Variants in MARCHF1 observed in about 807,000 individuals in gnomAD.
MARCHF1 encodes the protein membrane associated ring-CH-type finger 1.
Under a neutral mutation model 54.2 loss-of-function variants are expected in MARCHF1, and 40 were observed. That is an observed-to-expected ratio of 0.74 (90% CI 0.57 to 0.96). The LOEUF is 0.96. Among genes scored for constraint, MARCHF1 ranks in the 40% least tolerant of loss-of-function variants. The pLI, the probability that MARCHF1 is intolerant of heterozygous loss-of-function variation, is 0.00. For missense variants in MARCHF1, 586 were observed against 656.5 expected, an observed-to-expected ratio of 0.89 and a Z score of 1.17; for synonymous variants, 236 against 236.3, an observed-to-expected ratio of 1.00 and a Z score of 0.01.
chr4:163,967,157 G>A (rs563297202), intron 3 of MARCHF1, among the ~76,000 whole-genome samples: 47 of 152,242 alleles, frequency 3.1e-4, no homozygotes, highest in Admixed American at 7.9e-4. Flanking sequence ...AAGGGACCTT[G>A]TATACCACGA....
chr4:164,356,435 C>T (rs1026164245), intron 1 of MARCHF1, among the ~76,000 whole-genome samples: 34 of 130,358 alleles, frequency 2.6e-4, no homozygotes, highest in African/African-American at 9.0e-4. Flanking sequence ...ACTATGCAGC[C>T]ATAAAAAATG....
intron 2 of MARCHF1, among the ~76,000 whole-genome samples, chr4:164,096,966 A>C (rs1343789340): frequency 6.6e-6 from 1 of 152,112 alleles, no homozygotes; most frequent in Admixed American, 6.6e-5. Context: ...AACCCCGGGG[A>C]GTCTACTAAC....
chr4:163,656,995 C>G (rs1292367246), intron 5 of MARCHF1, among the ~76,000 whole-genome samples: 1 of 152,044 alleles, frequency 6.6e-6, no homozygotes, highest in South Asian at 2.1e-4. Context: ...AAAATTGGCA[C>G]AAGACAAGGA....
At chr4:164,061,924 A>C (rs987964527) in intron 2 of MARCHF1, among the ~76,000 whole-genome samples, 1 of 152,208 alleles carries the variant, frequency 6.6e-6, no homozygotes, top group Admixed American at 6.5e-5. Context: ...TCTTAAAATA[A>C]GAACAATGAA....
At chr4:163,892,944 A>C (rs1750693517) in intron 3 of MARCHF1, among the ~76,000 whole-genome samples, 1 of 152,182 alleles carries the variant, frequency 6.6e-6, no homozygotes. Flanking sequence ...GGAAATGCAA[A>C]GAGGACAAAG....
At chr4:163,704,336 G>T (rs1258075640) in intron 4 of MARCHF1, among the ~76,000 whole-genome samples, 1 of 151,472 alleles carries the variant, frequency 6.6e-6, no homozygotes, top group African/African-American at 2.4e-5. Flanking sequence ...TGGAATAGAA[G>T]AAAAGTCTTA....
chr4:164,199,967 A>G (rs1416037175), intron 1 of MARCHF1, among the ~76,000 whole-genome samples: 1 of 152,162 alleles, frequency 6.6e-6, no homozygotes, highest in African/African-American at 2.4e-5. Flanking sequence ...TTTTGTGCCT[A>G]TGTACCTTTG....
chr4:163,626,221 T>C (rs1256873119), intron 5 of MARCHF1, among the ~76,000 whole-genome samples: 1 of 152,244 alleles, frequency 6.6e-6, no homozygotes, highest in East Asian at 1.9e-4. Context: ...TTAGGTTTTC[T>C]GAAAATCCAT....
chr4:164,228,447 T>C (rs1462509632), intron 1 of MARCHF1, among the ~76,000 whole-genome samples: 1 of 152,180 alleles, frequency 6.6e-6, no homozygotes, highest in East Asian at 1.9e-4. Context: ...CTTTGAAAAG[T>C]TCTTTATAGT....
At chr4:163,795,450 G>A (rs992814344) in intron 4 of MARCHF1, among the ~76,000 whole-genome samples, 1 of 152,056 alleles carries the variant, frequency 6.6e-6, no homozygotes, top group Non-Finnish European at 1.5e-5. Flanking sequence ...GGCTGGTCTC[G>A]AACTCCCAGC....
intron 2 of MARCHF1, among the ~76,000 whole-genome samples, chr4:164,025,029 G>A (rs1220670111): frequency 1.3e-5 from 2 of 152,062 alleles, no homozygotes; most frequent in Non-Finnish European, 2.9e-5. Context: ...CAACAAGAAG[G>A]CTTAACTATT....
At chr4:163,579,196 T>G (rs77978589) in intron 8 of MARCHF1, among the ~76,000 whole-genome samples, 2,855 of 152,272 alleles carry the variant, frequency 0.019, 80 homozygotes, top group African/African-American at 0.064. Context: ...CACTTATACT[T>G]TTCATCTCAT....
chr4:163,596,600 G>A (rs1015664683), intron 7 of MARCHF1, among the ~76,000 whole-genome samples: 2 of 140,208 alleles, frequency 1.4e-5, no homozygotes, highest in African/African-American at 2.6e-5. Context: ...GCATTTGTTT[G>A]TCCCCACAAT....
intron 3 of MARCHF1, among the ~76,000 whole-genome samples, chr4:163,923,780 A>ATC (rs1751480459): frequency 1.3e-5 from 2 of 151,612 alleles, no homozygotes; most frequent in African/African-American, 4.8e-5. Flanking sequence ...AAAAAAAAAA[A>ATC]ATAGAAAAAA....
At chr4:164,241,055 C>A (rs1732728952) in intron 1 of MARCHF1, among the ~76,000 whole-genome samples, 1 of 152,028 alleles carries the variant, frequency 6.6e-6, no homozygotes. Flanking sequence ...TAAGATTGGT[C>A]TTTCAGAGAT....
At chr4:164,152,859 T>C (rs1321907852) in intron 1 of MARCHF1, among the ~76,000 whole-genome samples, 1 of 152,126 alleles carries the variant, frequency 6.6e-6, no homozygotes, top group Non-Finnish European at 1.5e-5. Context: ...AATGTTTAAA[T>C]TTACCTATAG....
At chr4:164,144,521 T>G (rs1211806302) in intron 1 of MARCHF1, among the ~76,000 whole-genome samples, 1 of 151,956 alleles carries the variant, frequency 6.6e-6, no homozygotes, top group African/African-American at 2.4e-5. Flanking sequence ...AGAATCTCAC[T>G]CAAAACTGCG....
intron 1 of MARCHF1, among the ~76,000 whole-genome samples, chr4:164,243,887 C>G (rs1315435006): frequency 6.6e-6 from 1 of 151,822 alleles, no homozygotes; most frequent in Admixed American, 6.6e-5. Flanking sequence ...GTAAAGGGAT[C>G]AATTCAACAA....
chr4:164,131,369 T>C (rs1442326042), intron 1 of MARCHF1, among the ~76,000 whole-genome samples: 2 of 152,066 alleles, frequency 1.3e-5, no homozygotes, highest in Non-Finnish European at 2.9e-5. Flanking sequence ...CAACTTGAAA[T>C]GTTTGTCTAT....
Sources: allele counts gnomAD v4.1 joint callset (sites outside exome capture counted in the v4.1 genomes callset), GRCh38; gene constraint gnomAD v4.1.1; transcripts MANE v1.5; gene names NCBI Gene and HGNC (gene_info 2026-07-23, HGNC 2026-07-21).